Variants in MTMR7 observed in about 807,000 individuals in gnomAD.
MTMR7 encodes phosphatidylinositol-3-phosphate phosphatase MTMR7.
Under a neutral mutation model 81.2 loss-of-function variants are expected in MTMR7, and 76 were observed. That is an observed-to-expected ratio of 0.94 (90% CI 0.78 to 1.13). The LOEUF is 1.13. MTMR7 is among the 50% of genes most tolerant of loss of function. The pLI is 0.00. For synonymous variants in MTMR7, 372 were observed against 289.8 expected, an observed-to-expected ratio of 1.28 and a Z score of -2.88; for missense variants, 1,044 against 820.0, an observed-to-expected ratio of 1.27 and a Z score of -3.34.
At chr8:17,340,358 G>A (rs910511099) in intron 6 of MTMR7, among the ~76,000 whole-genome samples, 6 of 152,340 alleles carry the variant, frequency 3.9e-5, no homozygotes, top group East Asian at 3.9e-4. Flanking sequence ...AGAACTGGAC[G>A]TTCATCTTTC....
chr8:17,344,587 G>T (rs1819499352), intron 5 of MTMR7, among the ~76,000 whole-genome samples: 1 of 152,120 alleles, frequency 6.6e-6, no homozygotes, highest in African/African-American at 2.4e-5. Flanking sequence ...CTCCAGCCTG[G>T]GTGACAGAGC....
chr8:17,373,008 C>G, intron 2 of MTMR7, 110 bp downstream of exon 2: 1 of 1,329,112 alleles, frequency 7.5e-7, no homozygotes, highest in Non-Finnish European at 1.0e-6. Context: ...TCCCCAACAT[C>G]CAGGCACAAA....
At position 17,366,885 on chromosome 8, in the gene MTMR7, C is replaced by CAAAAAAAAAAAAAAAAAAAAAAAAAA. The variant is rs1277882494; in HGVS notation, c.310+4151_310+4152insTTTTTTTTTTTTTTTTTTTTTTTTTT. The stretch of plus-strand genomic sequence containing the variant: ...TGGATGACAGAGCGAGACTCCATCT[C>CAAAAAAAAAAAAAAAAAAAAAAAAAA]AAAAAAAAAAAAACTGTAGCTGAAA... On this transcript the variant is annotated intron_variant, in intron 3 of 13. Coordinates refer to ENST00000180173, the MANE Select transcript of MTMR7 (RefSeq NM_004686.5). 1.0e-4 allele frequency among the ~76,000 whole-genome samples: 9 copies of CAAAAAAAAAAAAAAAAAAAAAAAAAA among 88,176 alleles called. 1 individual carries two copies. Among genetic ancestry groups the CAAAAAAAAAAAAAAAAAAAAAAAAAA allele is most frequent in the African/African-American group, 4.7e-4 (8 of 16,984 alleles). 57.8% of individuals were successfully genotyped at this position (88,176 alleles called of 152,430 possible). A position where few individuals can be genotyped will look rare whatever the true frequency, so the allele number is the denominator to read the frequency against.
intron 1 of MTMR7, among the ~76,000 whole-genome samples, chr8:17,403,197 G>C (rs10102263): frequency 1.3e-5 from 2 of 152,044 alleles, no homozygotes; most frequent in African/African-American, 4.8e-5. Flanking sequence ...CATTCTGTGG[G>C]TTGTCTCTTT....
At chr8:17,366,887 A>AAAAAAAAAAAACAAAC (rs544833406) in intron 3 of MTMR7, among the ~76,000 whole-genome samples, 8,895 of 145,838 alleles carry the variant, frequency 0.061, 704 homozygotes, top group East Asian at 0.29. Context: ...CTCCATCTCA[A>AAAAAAAAAAAACAAAC]AAAAAAAAAA....
chr8:17,413,293 G>C lies in MTMR7; in HGVS notation c.-1C>G, dbSNP rs1490758596. ...CCTTGGGCGTACGGATGTGCTCCAT[G>C]GCTGGCCCACGTCTGCAGGGTCCCG... On this transcript the variant is annotated 5_prime_UTR_variant, in exon 1 of 14. Coordinates refer to ENST00000180173, the MANE Select transcript of MTMR7 (RefSeq NM_004686.5). 6.5e-7 allele frequency: 1 copy of C among 1,546,152 alleles called. No individual in the cohort carries two copies. Among genetic ancestry groups the C allele is most frequent in the South Asian group, 1.2e-5 (1 of 83,874 alleles).
At chr8:17,411,543 ACCTCTGT>A (rs1821734457) in intron 1 of MTMR7, among the ~76,000 whole-genome samples, 1 of 152,084 alleles carries the variant, frequency 6.6e-6, no homozygotes, top group South Asian at 2.1e-4. Flanking sequence ...GATCCATCCA[ACCTCTGT>A]AATTTCTTAT....
Position 17,381,071 on chromosome 8 carries a change from C to CA in MTMR7, c.25-7832dup, listed in dbSNP as rs907204930. Among the ~76,000 whole-genome samples the CA allele has an allele frequency of 5.3e-4, 80 of 151,138 alleles. 2 individuals carry two copies. The highest frequency in any genetic ancestry group is 6.8e-3 in the Middle Eastern group (2 of 294). ...ATGTGTGGCACTGTGTCAGGTTCCG[C>CA]AAAAAAAAGCAAAAGGGTGAACAAG... On this transcript the variant is annotated intron_variant, in intron 1 of 13. Coordinates refer to ENST00000180173, the MANE Select transcript of MTMR7 (RefSeq NM_004686.5).
intron 6 of MTMR7, 28 bp from the exon 7 acceptor site, chr8:17,331,310 C>CCT (rs1563339278): frequency 6.4e-7 from 1 of 1,553,874 alleles, no homozygotes; most frequent in Non-Finnish European, 8.7e-7. Flanking sequence ...ACAGAACAGT[C>CCT]ATCAATTACA....
intron 7 of MTMR7, among the ~76,000 whole-genome samples, chr8:17,328,284 A>G (rs1270678795): frequency 2.0e-5 from 3 of 152,118 alleles, no homozygotes; most frequent in Admixed American, 2.0e-4. Context: ...AAGTAACTCC[A>G]TACACCTTTC....
At chr8:17,316,930 C>A (rs1818117241) in intron 7 of MTMR7, among the ~76,000 whole-genome samples, 1 of 152,136 alleles carries the variant, frequency 6.6e-6, no homozygotes, top group Non-Finnish European at 1.5e-5. Context: ...CCAAATTGCT[C>A]TTGAAAAGGG....
intron 3 of MTMR7, among the ~76,000 whole-genome samples, chr8:17,364,024 T>A (rs1370947847): frequency 2.7e-4 from 27 of 98,216 alleles, no homozygotes; most frequent in East Asian, 1.3e-3. Context: ...TGCTATTATT[T>A]TTTTTTTTTT....
chr8:17,312,574 CAAAAAAAAAAAA>C lies in MTMR7; in HGVS notation c.975+706_975+717del, dbSNP rs10617081. 3.8e-4 allele frequency among the ~76,000 whole-genome samples: 33 copies of C among 87,252 alleles called. No individual in the cohort carries two copies. The South Asian group carries it at 9.0e-3, about 24-fold the overall frequency. 57.2% of individuals were successfully genotyped at this position (87,252 alleles called of 152,430 possible). A position where few individuals can be genotyped will look rare whatever the true frequency, so the allele number is the denominator to read the frequency against. On this transcript the variant is annotated intron_variant, in intron 8 of 13. Transcript: ENST00000180173. ...TGGGTGACAGAGCGAGACTCCCTCTCAAAAAAAAAAAAAAAAAAAAAAAAAAATTCTCTGTCT... is the reference window on the plus strand; with the variant it reads ...TGGGTGACAGAGCGAGACTCCCTCTCAAAAAAAAAAAAAAATTCTCTGTCT...
chr8:17,376,743 T>C (rs1004258552), intron 1 of MTMR7, among the ~76,000 whole-genome samples: 19 of 152,298 alleles, frequency 1.2e-4, no homozygotes, highest in African/African-American at 4.6e-4. Flanking sequence ...CTTTTACCAT[T>C]GAGTTTCATG....
intron 1 of MTMR7, among the ~76,000 whole-genome samples, chr8:17,405,742 G>A (rs1271456800): frequency 1.3e-5 from 2 of 151,724 alleles, no homozygotes; most frequent in African/African-American, 2.4e-5. Context: ...TGTGGACTAT[G>A]TGGTTAAAAA....
At chr8:17,302,976 G>A (rs1345168581) in intron 12 of MTMR7, among the ~76,000 whole-genome samples, 1 of 151,988 alleles carries the variant, frequency 6.6e-6, no homozygotes, top group Non-Finnish European at 1.5e-5. Context: ...CTCCCAAAGT[G>A]CTGGGATTAT....
intron 6 of MTMR7, among the ~76,000 whole-genome samples, chr8:17,334,775 C>T (rs1008054545): frequency 6.6e-6 from 1 of 152,318 alleles, no homozygotes; most frequent in Non-Finnish European, 1.5e-5. Flanking sequence ...AAGAGCTGAG[C>T]AACGGGAGAG....
At chr8:17,317,988 G>C (rs991893720) in intron 7 of MTMR7, among the ~76,000 whole-genome samples, 3 of 151,994 alleles carry the variant, frequency 2.0e-5, no homozygotes, top group Non-Finnish European at 4.4e-5. Flanking sequence ...TGTTTAACTG[G>C]AACAGAAACA....
intron 8 of MTMR7, 122 bp downstream of exon 8, chr8:17,313,170 G>A: frequency 1.6e-6 from 1 of 615,884 alleles, no homozygotes; most frequent in South Asian, 2.5e-5. Flanking sequence ...GCTCTACAAA[G>A]CTGGCTATCC....
Sources: allele counts gnomAD v4.1 joint callset (sites outside exome capture counted in the v4.1 genomes callset), GRCh38; gene constraint gnomAD v4.1.1; transcripts MANE v1.5; gene names NCBI Gene and HGNC (gene_info 2026-07-23, HGNC 2026-07-21).